The following NRG1 variants were observed in gnomAD, a reference collection of about 807,000 sequenced individuals.
The protein encoded by NRG1 is pro-neuregulin-1, membrane-bound isoform.
Under a neutral mutation model 63.8 loss-of-function variants are expected in NRG1, and 18 were observed. The observed-to-expected ratio is 0.28, with a 90% CI of 0.19 to 0.42. The LOEUF is 0.42. NRG1 is among the 10% of genes least tolerant of loss of function. NRG1 has a pLI of 1.00. For synonymous variants in NRG1, 302 were observed against 301.3 expected (o/e 1.00, Z -0.02); for missense variants, 762 against 814.7 (o/e 0.94, Z 0.79).
At chr8:32,252,947 C>T (rs1010029610) in intron 1 of NRG1, among the ~76,000 whole-genome samples, 1 of 152,146 alleles carries the variant, frequency 6.6e-6, no homozygotes, top group African/African-American at 2.4e-5. Flanking sequence ...ATTTTATTCT[C>T]TTTGTAGCCA....
intron 1 of NRG1, among the ~76,000 whole-genome samples, chr8:31,935,289 A>T (rs1835207810): frequency 6.6e-6 from 1 of 151,562 alleles, no homozygotes; most frequent in African/African-American, 2.4e-5. Context: ...GCTAATTTTT[A>T]AAAAATTATT....
At chr8:31,987,164 G>A (rs10096424) in intron 1 of NRG1, among the ~76,000 whole-genome samples, 5,545 of 151,948 alleles carry the variant, frequency 0.036, 353 homozygotes, top group African/African-American at 0.13. Context: ...TGGGCATGGT[G>A]GAGGCTGTGC....
intron 1 of NRG1, among the ~76,000 whole-genome samples, chr8:31,789,054 C>T (rs1197580457): frequency 2.0e-5 from 3 of 152,182 alleles, no homozygotes; most frequent in Non-Finnish European, 4.4e-5. Context: ...AGCACACTGA[C>T]CTAGGAATCA....
At chr8:31,730,379 G>A (rs1235069044) in intron 1 of NRG1, among the ~76,000 whole-genome samples, 1 of 152,032 alleles carries the variant, frequency 6.6e-6, no homozygotes, top group Non-Finnish European at 1.5e-5. Context: ...ATGTTCTAAT[G>A]AGGGCTACTC....
upstream of NRG1, among the ~76,000 whole-genome samples, chr8:32,545,087 T>C (rs1832948172): frequency 6.6e-6 from 1 of 152,224 alleles, no homozygotes; most frequent in African/African-American, 2.4e-5. Flanking sequence ...AAAATGCAAT[T>C]TGTCTTGTTA....
intron 6 of NRG1, among the ~76,000 whole-genome samples, chr8:32,732,364 T>C (rs1019873201): frequency 2.0e-5 from 3 of 152,228 alleles, no homozygotes; most frequent in Non-Finnish European, 2.9e-5. Flanking sequence ...TATTCTTGTG[T>C]ATCTGTTCTT....
chr8:31,864,029 A>G (rs1008840049), intron 1 of NRG1, among the ~76,000 whole-genome samples: 1 of 152,228 alleles, frequency 6.6e-6, no homozygotes, highest in Non-Finnish European at 1.5e-5. Context: ...AGCATGGCCT[A>G]TACCTGGTAA....
At chr8:31,945,057 A>G (rs545011131) in intron 1 of NRG1, among the ~76,000 whole-genome samples, 17 of 152,196 alleles carry the variant, frequency 1.1e-4, no homozygotes, top group African/African-American at 4.1e-4. Context: ...GTTCAGAGAC[A>G]GAGGGATGGA....
intron 1 of NRG1, among the ~76,000 whole-genome samples, chr8:32,344,406 C>T (rs1335911602): frequency 1.7e-5 from 1 of 59,644 alleles, no homozygotes; most frequent in Admixed American, 1.8e-4. Context: ...TTTGTGCATG[C>T]ATGCGTGCAT....
intron 1 of NRG1, among the ~76,000 whole-genome samples, chr8:31,795,183 G>A (rs1167408886): frequency 6.6e-6 from 1 of 152,196 alleles, no homozygotes; most frequent in Non-Finnish European, 1.5e-5. Flanking sequence ...TCGAGGTGGG[G>A]AGAGAGCCCT....
chr8:32,692,859 G>A (rs1208713114), intron 5 of NRG1, among the ~76,000 whole-genome samples: 2 of 152,144 alleles, frequency 1.3e-5, no homozygotes, highest in African/African-American at 2.4e-5. Flanking sequence ...CCACTCCTTC[G>A]AGATGGCCAA....
chr8:32,762,059 A>AAAAAAACAAAC (rs1162893361), intron 11 of NRG1, among the ~76,000 whole-genome samples: 11 of 148,174 alleles, frequency 7.4e-5, no homozygotes, highest in African/African-American at 2.9e-4. Flanking sequence ...AAAAAAAAAA[A>AAAAAAACAAAC]ACATTCTGGA....
chr8:31,896,563 G>A (rs773519263), intron 1 of NRG1, among the ~76,000 whole-genome samples: 1 of 152,178 alleles, frequency 6.6e-6, no homozygotes, highest in Non-Finnish European at 1.5e-5. Flanking sequence ...GTTGTCTGGA[G>A]CGTTAGTGTT....
chr8:31,934,194 T>C (rs1464917199), intron 1 of NRG1, among the ~76,000 whole-genome samples: 1 of 152,126 alleles, frequency 6.6e-6, no homozygotes, highest in Non-Finnish European at 1.5e-5. Context: ...TTGATGTATA[T>C]GTTGAATAAG....
intron 1 of NRG1, chr8:32,026,139 A>T (rs28648651): frequency 6.7e-6 from 1 of 148,738 alleles, no homozygotes; most frequent in East Asian, 2.1e-4. Context: ...CAGGATCTCG[A>T]CTCACTGCAA....
At chr8:32,716,871 A>T (rs1191298935) in intron 5 of NRG1, among the ~76,000 whole-genome samples, 2 of 151,976 alleles carry the variant, frequency 1.3e-5, no homozygotes, top group Non-Finnish European at 2.9e-5. Flanking sequence ...TGATGATAGC[A>T]GGATGCAGAA....
chr8:32,612,351 A>T (rs968369129), intron 3 of NRG1, among the ~76,000 whole-genome samples: 8 of 152,114 alleles, frequency 5.3e-5, no homozygotes, highest in African/African-American at 1.9e-4. Context: ...TAAAAAGATT[A>T]ACTTTCTTAC....
chr8:32,517,380 A>ATAG (rs1180906814), intron 1 of NRG1, among the ~76,000 whole-genome samples: 2 of 152,132 alleles, frequency 1.3e-5, no homozygotes, highest in Admixed American at 6.6e-5. Context: ...AAACACTCTT[A>ATAG]TAGTATTCAG....
At position 31,860,522 on chromosome 8, in the gene NRG1, A is replaced by AT. The variant is rs563282563; in HGVS notation, c.37+221098dup. Among the ~76,000 whole-genome samples, 44 of 152,196 alleles carry AT rather than the reference A, an allele frequency of 2.9e-4. 1 individual carries two copies. The highest frequency in any genetic ancestry group is 9.4e-4 in the African/African-American group (39 of 41,560). On this transcript the variant is annotated intron_variant, in intron 1 of 10. Coordinates refer to the NRG1 transcript ENST00000519301. ...TTTAACCAGGCAACATTTGCCCATT[A>AT]TTTTTTTGCATGAAAAGTAATTACC... is the stretch of plus-strand genomic sequence containing the variant.
Sources: gnomAD v4.1 joint callset for allele counts (sites outside exome capture counted in the v4.1 genomes callset) on GRCh38, gnomAD v4.1.1 for gene constraint, MANE v1.5 for transcripts, NCBI Gene and HGNC (gene_info 2026-07-23, HGNC 2026-07-21) for gene names.